CDH22: variants seen among roughly 807,000 people sequenced by gnomAD.
The protein encoded by CDH22 is cadherin-22.
In CDH22, 30 loss-of-function variants were observed where a neutral mutation model predicts 58.4. That is an observed-to-expected ratio of 0.51 (90% CI 0.38 to 0.70). The LOEUF (loss-of-function observed/expected upper bound fraction) is 0.70, where lower values mean the gene tolerates loss of function less well. CDH22 is among the 30% of genes least tolerant of loss of function. The pLI, the probability that CDH22 is intolerant of heterozygous loss-of-function variation, is 0.00. For missense variants in CDH22, 1,014 were observed against 1,233.9 expected (o/e 0.82, Z 2.67); for synonymous variants, 513 against 558.2 (o/e 0.92, Z 1.14).
At chr20:46,185,127 G>T (rs1568651018) in intron 10 of CDH22, among the ~76,000 whole-genome samples, 1 of 60,102 alleles carries the variant, frequency 1.7e-5, no homozygotes, top group Non-Finnish European at 3.3e-5. Flanking sequence ...AACCCCACAC[G>T]CATACACACA....
In CDH22 at chr20:46,210,308, G is replaced by A. The variant is rs2086031743; in HGVS notation, c.1285C>T (p.Arg429Trp). ...GTCGGCCCCGGGCGGGGGTCTCACCGGACGGGCCGGTTGGCGGCGTCGGGG... is the reference window on the plus strand; with the variant it reads ...GTCGGCCCCGGGCGGGGGTCTCACCAGACGGGCCGGTTGGCGGCGTCGGGG... ...RDPDAANRPV[R>W]YAIDRESDLD... is the part of the protein sequence containing the mutation. The change falls in exon 7 of 12, where the codon CGG (arginine) becomes TGG (tryptophan). Residue 429 changes from arginine (R) to tryptophan (W), a missense_variant and splice_region_variant. By Grantham distance (101) the Arg-to-Trp change is moderately radical. This residue lies in a region of CDH22 where 806 missense variants were observed against 1,038.7 expected (regional missense o/e 0.78). Coordinates refer to ENST00000537909, the MANE Select transcript of CDH22 (RefSeq NM_021248.3). The surrounding 1 kb of genome is among the most constrained non-coding windows in gnomAD (Gnocchi z 4.5). 2 of 1,433,886 alleles carry A rather than the reference G, an allele frequency of 1.4e-6. No homozygotes were observed. The highest frequency in any genetic ancestry group is 2.8e-5 in the South Asian group (2 of 71,164). The allele number at this position is 1,433,886 out of a possible 1,614,324, so 88.8% of individuals were successfully genotyped here. A position where few individuals can be genotyped will look rare whatever the true frequency, so the allele number is the denominator to read the frequency against.
chr20:46,305,467 TC>T (rs2086670934), intron 1 of CDH22, among the ~76,000 whole-genome samples: 1 of 152,088 alleles, frequency 6.6e-6, no homozygotes, highest in Middle Eastern at 3.2e-3. Flanking sequence ...CCCCACCTGG[TC>T]CCCAGCCCCT....
intron 1 of CDH22, among the ~76,000 whole-genome samples, chr20:46,306,780 T>C (rs2086679866): frequency 6.6e-6 from 1 of 152,016 alleles, no homozygotes; most frequent in Non-Finnish European, 1.5e-5. Context: ...GATGTCACTA[T>C]GGGTGTAGAG....
At chr20:46,250,782 G>A (rs1473484554) in intron 2 of CDH22, among the ~76,000 whole-genome samples, 2 of 152,198 alleles carry the variant, frequency 1.3e-5, no homozygotes, top group Non-Finnish European at 2.9e-5. Context: ...AATCCCACAT[G>A]CATCTAGCTA....
chr20:46,217,458 TCA>T (rs2086094029), intron 4 of CDH22, among the ~76,000 whole-genome samples: 1 of 151,678 alleles, frequency 6.6e-6, no homozygotes, highest in African/African-American at 2.4e-5. Context: ...ACAGATACAT[TCA>T]CACACACAGA....
At chr20:46,278,160 G>A (rs2086530106) in intron 1 of CDH22, among the ~76,000 whole-genome samples, 1 of 152,046 alleles carries the variant, frequency 6.6e-6, no homozygotes, top group Non-Finnish European at 1.5e-5. Flanking sequence ...CTCCCCCTGG[G>A]CTCCTAGGCA....
intron 2 of CDH22, among the ~76,000 whole-genome samples, chr20:46,250,002 G>A (rs2086358695): frequency 6.6e-6 from 1 of 152,168 alleles, no homozygotes; most frequent in Non-Finnish European, 1.5e-5. Flanking sequence ...CATGCACCAG[G>A]GTGCCTCTGC....
chr20:46,208,683 C>A (rs2086017944), intron 7 of CDH22, among the ~76,000 whole-genome samples: 1 of 152,328 alleles, frequency 6.6e-6, no homozygotes, highest in Admixed American at 6.5e-5. Flanking sequence ...CAACCCCTGC[C>A]TCCGGGTTCA....
At chr20:46,295,582 A>G (rs112720617) in intron 1 of CDH22, among the ~76,000 whole-genome samples, 18 of 152,172 alleles carry the variant, frequency 1.2e-4, no homozygotes, top group Non-Finnish European at 1.9e-4. Context: ...TTGTGTAAGG[A>G]CAGGCAGCTA....
chr20:46,186,682 C>T lies in CDH22; in HGVS notation c.1569G>A (p.Val523=), dbSNP rs2085827528. The change falls in exon 10 of 12, where the codon GTG becomes GTA. Residue 523 remains valine, a synonymous_variant. Transcript: ENST00000537909. The part of the protein sequence containing the change: ...PGQLIQTISV[V]DRDEPQGGHR... ...GCCCGCCTTGGGGCTCGTCTCTGTC[C>T]ACCACGCTGATGGTCTGGATGAGCT... 2 of 1,613,886 alleles carry T rather than the reference C, an allele frequency of 1.2e-6. No individual in the cohort carries two copies. The highest frequency in any genetic ancestry group is 4.5e-5 in the East Asian group (2 of 44,850).
At position 46,210,987 on chromosome 20, in the gene CDH22, A is replaced by G. The variant is rs2086039384; in HGVS notation, c.1033-427T>C. On this transcript the variant is annotated intron_variant, in intron 6 of 11. Coordinates refer to ENST00000537909, the MANE Select transcript of CDH22 (RefSeq NM_021248.3). This position sits in a 1 kb window ranked among gnomAD's most constrained non-coding sequence, Gnocchi z 4.5. Reference sequence around the variant, plus strand: ...CACATGAGGAAAACGAGGCCCAGAAAGGCTCAGTAACTTGCCCAAGTCACC... The same window carrying G: ...CACATGAGGAAAACGAGGCCCAGAAGGGCTCAGTAACTTGCCCAAGTCACC... Among the ~76,000 whole-genome samples the G allele has an allele frequency of 6.6e-6, 1 of 152,214 alleles. No individual in the cohort carries two copies. The highest frequency in any genetic ancestry group is 1.9e-4 in the East Asian group (1 of 5,194).
intron 1 of CDH22, among the ~76,000 whole-genome samples, chr20:46,254,554 C>CAAAAAAAAAAAAAAAAAAAAAAAAAAA: frequency 1.6e-5 from 1 of 64,128 alleles, no homozygotes; most frequent in African/African-American, 4.8e-5. Flanking sequence ...AATTCCATCT[C>CAAAAAAAAAAAAAAAAAAAAAAAAAAA]AAAAAAAAAA....
At chr20:46,179,369 GC>G (rs1417520176) in intron 10 of CDH22, among the ~76,000 whole-genome samples, 1 of 152,164 alleles carries the variant, frequency 6.6e-6, no homozygotes, top group Non-Finnish European at 1.5e-5. Flanking sequence ...CTGCTTCGTG[GC>G]CCCAGTTAAC....
chr20:46,225,784 G>A lies in CDH22; in HGVS notation c.670+1724C>T, dbSNP rs561733983. Among the ~76,000 whole-genome samples, 5 of 152,068 alleles carry A rather than the reference G, an allele frequency of 3.3e-5. No homozygotes were observed. The East Asian group carries it at 7.7e-4, about 23-fold the overall frequency. On this transcript the variant is annotated intron_variant, in intron 4 of 11. Transcript: ENST00000537909. The stretch of plus-strand genomic sequence containing the variant: ...AATTACTGGTGATAGGGAGTGGGAA[G>A]CGTTTCTTTTTTTTTTCTTTTTAGC...
chr20:46,204,471 G>C (rs1010271831), intron 7 of CDH22, among the ~76,000 whole-genome samples: 3 of 151,202 alleles, frequency 2.0e-5, no homozygotes, highest in African/African-American at 7.3e-5. Flanking sequence ...TGTGAGGTTC[G>C]GACAAGTGAC....
intron 1 of CDH22, among the ~76,000 whole-genome samples, chr20:46,254,938 G>T (rs1278127516): frequency 6.6e-6 from 1 of 152,194 alleles, no homozygotes; most frequent in Admixed American, 6.5e-5. Flanking sequence ...TTGGGGTGTT[G>T]GGGAGGAGAA....
chr20:46,277,349 T>G (rs2425843), intron 1 of CDH22, among the ~76,000 whole-genome samples: 101,071 of 152,032 alleles, frequency 0.66, 33,679 homozygotes, highest in Middle Eastern at 0.7. Flanking sequence ...CGGGCCAGGT[T>G]GGGAGGGCGC....
intron 1 of CDH22, among the ~76,000 whole-genome samples, chr20:46,298,724 A>T (rs541582889): frequency 7.0e-4 from 106 of 152,118 alleles, no homozygotes; most frequent in African/African-American, 2.4e-3. Flanking sequence ...TGGATGAATA[A>T]TCTCAGCTGG....
intron 7 of CDH22, among the ~76,000 whole-genome samples, chr20:46,200,522 T>C (rs555000262): frequency 9.3e-4 from 140 of 151,234 alleles, no homozygotes; most frequent in Non-Finnish European, 1.5e-3. Flanking sequence ...GCTCAAGCGA[T>C]CCGCTCGCCT....
Sources: allele counts gnomAD v4.1 joint callset (sites outside exome capture counted in the v4.1 genomes callset), GRCh38; gene constraint gnomAD v4.1.1; regional missense constraint gnomAD v4.1.1; non-coding constraint Gnocchi (gnomAD v3.1); transcripts MANE v1.5; gene names NCBI Gene and HGNC (gene_info 2026-07-23, HGNC 2026-07-21).